Variants in RFPL4A observed in about 807,000 individuals in gnomAD.
RFPL4A encodes ret finger protein-like 4A.
Under a neutral mutation model 8.3 loss-of-function variants are expected in RFPL4A, and 4 were observed. The observed-to-expected ratio is 0.48, with a 90% CI of 0.24 to 1.10. The LOEUF (loss-of-function observed/expected upper bound fraction) is 1.10, where lower values mean the gene tolerates loss of function less well. RFPL4A is among the 50% of genes least tolerant of loss of function. The probability of loss-of-function intolerance (pLI) is 0.18; values close to 1 mark genes in which losing one functional copy is unlikely to be tolerated. For synonymous variants in RFPL4A, 43 were observed against 136.6 expected (o/e 0.31, Z 4.78); for missense variants, 111 against 358.7 (o/e 0.31, Z 5.58).
Position 55,759,493 on chromosome 19 carries a change from T to C in RFPL4A, c.-10+318T>C, listed in dbSNP as rs997905609. Among the ~76,000 whole-genome samples, 3 of 151,754 alleles carry C rather than the reference T, an allele frequency of 2.0e-5. 1 individual carries two copies. The highest frequency in any genetic ancestry group is 7.3e-5 in the African/African-American group (3 of 41,170). On this transcript the variant is annotated intron_variant, in intron 1 of 2. Coordinates refer to ENST00000434937, the MANE Select transcript of RFPL4A (RefSeq NM_001145014.2). The stretch of plus-strand genomic sequence containing the variant: ...TCCTATGGGTTTGGTATTGTTTTCC[T>C]ATTCTCCCCTTCCCACAACCCCTGG...
Position 55,763,418 on chromosome 19 carries a change from C to A in RFPL4A, c.*243C>A, listed in dbSNP as rs1161008379. On this transcript the variant is annotated 3_prime_UTR_variant, in exon 3 of 3. Coordinates refer to ENST00000434937, the MANE Select transcript of RFPL4A (RefSeq NM_001145014.2). Reference sequence around the variant, plus strand: ...CTGTTCAATAAATATTTTGAAAATTCAGATTCATTTGCCAATCTTTTCTAT... The same window carrying A: ...CTGTTCAATAAATATTTTGAAAATTAAGATTCATTTGCCAATCTTTTCTAT... Among the ~76,000 whole-genome samples the A allele has an allele frequency of 1.3e-5, 2 of 150,062 alleles. No individual in the cohort carries two copies. The highest frequency in any genetic ancestry group is 2.9e-5 in the Non-Finnish European group (2 of 67,996).
upstream of RFPL4A, among the ~76,000 whole-genome samples, chr19:55,758,341 A>G (rs1989213964): frequency 6.6e-6 from 1 of 152,290 alleles, no homozygotes. Flanking sequence ...ATTTAATCAC[A>G]TTAATGTAAT....
At chr19:55,759,371 T>C (rs1989237365) in intron 1 of RFPL4A, among the ~76,000 whole-genome samples, 196 bp downstream of exon 1, 1 of 152,078 alleles carries the variant, frequency 6.6e-6, no homozygotes, top group African/African-American at 2.4e-5. Context: ...GGCGAGAGAC[T>C]TGACAATCTC....
chr19:55,762,869 C>G lies in RFPL4A; in HGVS notation c.558C>G (p.Phe186Leu), dbSNP rs1306878863. ...TTGTGCTTTCTTCAGAACACGGCTT[C>G]TTGACTGTGGGTTGCAGAGAAGGAA... ...GKIVLSSEHGFLTVGCREGKV... is the reference protein window; with the variant it reads ...GKIVLSSEHGLLTVGCREGKV... Residue 186 changes from phenylalanine to leucine, a missense_variant, in exon 3 of 3, where the codon TTC becomes TTG. Coordinates refer to ENST00000434937, the MANE Select transcript of RFPL4A (RefSeq NM_001145014.2). 1.3e-6 allele frequency: 2 copies of G among 1,520,896 alleles called. No individual in the cohort carries two copies. The highest frequency in any genetic ancestry group is 1.8e-6 in the Non-Finnish European group (2 of 1,123,124). 94.2% of individuals were successfully genotyped at this position (1,520,896 alleles called of 1,614,324 possible).
At chr19:55,758,087 C>T (rs897390157), upstream of RFPL4A, among the ~76,000 whole-genome samples, 6 of 151,628 alleles carry the variant, frequency 4.0e-5, no homozygotes, top group Non-Finnish European at 7.4e-5. Flanking sequence ...TGTGTAGATA[C>T]GGTATGTGTG....
chr19:55,763,067 A>T lies in RFPL4A; in HGVS notation c.756A>T (p.Pro252=). The T allele has an allele frequency of 6.4e-7, 1 of 1,551,680 alleles. No homozygotes were observed. Among genetic ancestry groups the T allele is most frequent in the Non-Finnish European group, 8.7e-7 (1 of 1,146,928 alleles). Residue 252 remains proline, a synonymous_variant, in exon 3 of 3, where the codon CCA becomes CCT. Coordinates refer to ENST00000434937, the MANE Select transcript of RFPL4A (RefSeq NM_001145014.2). ...TTCCTGTTTGCGAGCCCTGGCGTCC[A>T]TTTTTTGCTCATAAACGTGGAAGTC... ...IEIPVCEPWR[P]FFAHKRGSQD... is the part of the protein sequence containing the mutation.
At chr19:55,758,192 C>T (rs1179169966), upstream of RFPL4A, among the ~76,000 whole-genome samples, 24 of 152,344 alleles carry the variant, frequency 1.6e-4, no homozygotes, top group African/African-American at 5.5e-4. Flanking sequence ...TGCACCACAA[C>T]GTAGAGATTT....
At chr19:55,760,896 T>C (rs111463620) in intron 1 of RFPL4A, among the ~76,000 whole-genome samples, 9 of 151,394 alleles carry the variant, frequency 5.9e-5, no homozygotes, top group Admixed American at 3.3e-4. Flanking sequence ...TGTTCCTCAG[T>C]ACTTGCTGGT....
At chr19:55,757,564 C>T (rs1337309547), upstream of RFPL4A, among the ~76,000 whole-genome samples, 1 of 151,940 alleles carries the variant, frequency 6.6e-6, no homozygotes, top group Admixed American at 6.5e-5. Context: ...AAGTACTGAA[C>T]TGTACATGAG....
At chr19:55,759,095 C>T, upstream of RFPL4A, 2 of 143,054 alleles carry the variant, frequency 1.4e-5, no homozygotes, top group Middle Eastern at 1.2e-3. Flanking sequence ...GTATAAAAGC[C>T]CCTGGCAGGC....
At chr19:55,761,354 C>T (rs1989278416) in intron 1 of RFPL4A, among the ~76,000 whole-genome samples, 1 of 136,148 alleles carries the variant, frequency 7.3e-6, no homozygotes, top group African/African-American at 2.8e-5. Context: ...AATATAATAT[C>T]GTTTAACATG....
intron 1 of RFPL4A, among the ~76,000 whole-genome samples, chr19:55,761,109 C>T (rs1989273213): frequency 1.6e-5 from 2 of 127,642 alleles, no homozygotes; most frequent in East Asian, 2.1e-4. Flanking sequence ...TTCCGCTATG[C>T]AGAAGATTCA....
chr19:55,761,475 C>G (rs1401754173), intron 1 of RFPL4A, among the ~76,000 whole-genome samples: 1 of 140,372 alleles, frequency 7.1e-6, no homozygotes, highest in Non-Finnish European at 1.6e-5. Flanking sequence ...CAGATACACC[C>G]CATTTCAGGT....
At chr19:55,759,077 AC>A (rs941811516), upstream of RFPL4A, 5 of 140,780 alleles carry the variant, frequency 3.6e-5, 1 homozygote, top group Non-Finnish European at 8.0e-5. Flanking sequence ...GGGTGGAGAC[AC>A]CCTCTGGTAT....
chr19:55,758,328 T>C (rs553286793), upstream of RFPL4A, among the ~76,000 whole-genome samples: 230 of 152,316 alleles, frequency 1.5e-3, no homozygotes, highest in Middle Eastern at 6.8e-3. Flanking sequence ...TTAAAGACTA[T>C]TAATTTAATC....
intron 1 of RFPL4A, among the ~76,000 whole-genome samples, chr19:55,760,779 G>A (rs990742250): frequency 6.6e-6 from 1 of 151,524 alleles, no homozygotes; most frequent in African/African-American, 2.4e-5. Flanking sequence ...CACTGTTTTG[G>A]TCCTATGTGA....
chr19:55,761,086 T>TGG (rs557925944), intron 1 of RFPL4A, among the ~76,000 whole-genome samples: 4 of 102,684 alleles, frequency 3.9e-5, no homozygotes, highest in Non-Finnish European at 7.6e-5. Context: ...TGGTTTTTCC[T>TGG]TTTTTTTTTT....
intron 1 of RFPL4A, among the ~76,000 whole-genome samples, chr19:55,761,532 G>A (rs1989281726): frequency 1.4e-5 from 2 of 143,268 alleles, no homozygotes; most frequent in South Asian, 4.4e-4. Flanking sequence ...AACAGTTCAG[G>A]TGTAGACTCC....
At position 55,760,687 on chromosome 19, in the gene RFPL4A, C is replaced by G. The variant is rs533443673; in HGVS notation, c.-9-1105C>G. ...GGCAATGCTTTGAAACAGCTTAACTCCCTCCGGTTTTTTATCACCTCATGA... is the reference window on the plus strand; with the variant it reads ...GGCAATGCTTTGAAACAGCTTAACTGCCTCCGGTTTTTTATCACCTCATGA... On this transcript the variant is annotated intron_variant, in intron 1 of 2. Coordinates refer to ENST00000434937, the MANE Select transcript of RFPL4A (RefSeq NM_001145014.2). Among the ~76,000 whole-genome samples, 30 of 151,662 alleles carry G rather than the reference C, an allele frequency of 2.0e-4. 5 individuals carry two copies. In the East Asian group the frequency reaches 5.9e-3, roughly 30 times the overall value.
Sources: allele counts gnomAD v4.1 joint callset (sites outside exome capture counted in the v4.1 genomes callset), GRCh38; gene constraint gnomAD v4.1.1; transcripts MANE v1.5; gene names NCBI Gene and HGNC (gene_info 2026-07-23, HGNC 2026-07-21).